The following RELN variants were observed in gnomAD, a reference collection of about 807,000 sequenced individuals.
RELN encodes reelin.
RELN carries 108 observed loss-of-function variants against 427.6 expected under a neutral mutation model. The observed-to-expected ratio is 0.25, with a 90% CI of 0.22 to 0.30. The LOEUF (loss-of-function observed/expected upper bound fraction) is 0.30. RELN is among the 10% of genes least tolerant of loss of function. RELN has a pLI of 1.00. For missense variants in RELN, 3,715 were observed against 4,302.8 expected (o/e 0.86, Z 3.82); for synonymous variants, 1,524 against 1,513.4 (o/e 1.01, Z -0.16).
chr7:103,588,174 A>T (rs1283844073), intron 28 of RELN, among the ~76,000 whole-genome samples: 1 of 152,118 alleles, frequency 6.6e-6, no homozygotes, highest in Admixed American at 6.5e-5. Context: ...TACACAATGA[A>T]ATACTATTTG....
chr7:103,679,714 G>C (rs1255418346), intron 11 of RELN, among the ~76,000 whole-genome samples: 1 of 151,680 alleles, frequency 6.6e-6, no homozygotes, highest in Non-Finnish European at 1.5e-5. Flanking sequence ...TTTTGTTTGG[G>C]GGAAATGATC....
intron 3 of RELN, among the ~76,000 whole-genome samples, chr7:103,808,102 A>G (rs1792644954): frequency 6.6e-6 from 1 of 152,154 alleles, no homozygotes; most frequent in African/African-American, 2.4e-5. Flanking sequence ...AGTCTGTTTA[A>G]AAGATTCTGG....
intron 31 of RELN, among the ~76,000 whole-genome samples, chr7:103,568,396 A>C (rs904161352): frequency 1.3e-5 from 2 of 152,238 alleles, no homozygotes; most frequent in African/African-American, 2.4e-5. Flanking sequence ...AGAACTAATC[A>C]GACTGAATGA....
chr7:103,568,945 T>C (rs917100418), intron 31 of RELN, among the ~76,000 whole-genome samples: 1 of 152,144 alleles, frequency 6.6e-6, no homozygotes, highest in Non-Finnish European at 1.5e-5. Context: ...TTATAACCTG[T>C]GATGGTTTAA....
At position 103,975,518 on chromosome 7, in the gene RELN, TTTATTTA is replaced by T. The variant is rs1563120290; in HGVS notation, c.226+13606_226+13612del. Among the ~76,000 whole-genome samples, 505 of 143,268 alleles carry T rather than the reference TTTATTTA, an allele frequency of 3.5e-3. 5 individuals are homozygous for T. The highest frequency in any genetic ancestry group is 0.011 in the African/African-American group (418 of 37,726). The allele number at this position is 143,268 out of a possible 152,430, so 94.0% of individuals were successfully genotyped here. On this transcript the variant is annotated intron_variant, in intron 1 of 64. Coordinates refer to ENST00000428762, the MANE Select transcript of RELN (RefSeq NM_005045.4). Reference sequence around the variant, plus strand: ...GGGTCCTGGGAAGAATGGAGCAGTATTTATTTATTTATTTATTTATTTATTTATTTAT... The same window carrying T: ...GGGTCCTGGGAAGAATGGAGCAGTATTTTATTTATTTATTTATTTATTTAT...
At chr7:103,572,055 A>C (rs1830893633) in intron 31 of RELN, 129 bp downstream of exon 31, 1 of 702,596 alleles carries the variant, frequency 1.4e-6, no homozygotes, top group East Asian at 2.7e-5. Flanking sequence ...GATTCTACAA[A>C]GCAGAAGAGA....
At chr7:103,984,805 C>A (rs1276148575) in intron 1 of RELN, among the ~76,000 whole-genome samples, 1 of 152,120 alleles carries the variant, frequency 6.6e-6, no homozygotes, top group Non-Finnish European at 1.5e-5. Flanking sequence ...GGATAAATAA[C>A]CGATCACCTG....
chr7:103,986,629 TAA>T (rs34403864), intron 1 of RELN, among the ~76,000 whole-genome samples: 7,735 of 102,218 alleles, frequency 0.076, 290 homozygotes, highest in East Asian at 0.17. Flanking sequence ...TTCTTTTAGG[TAA>T]AAAAAAAAAA....
chr7:103,669,457 C>T (rs1265448307), intron 11 of RELN, among the ~76,000 whole-genome samples: 1 of 152,156 alleles, frequency 6.6e-6, no homozygotes, highest in Non-Finnish European at 1.5e-5. Context: ...AAGGAGATCC[C>T]AGAGCTCTAT....
intron 28 of RELN, among the ~76,000 whole-genome samples, chr7:103,577,284 T>G (rs1328205540): frequency 6.6e-6 from 1 of 152,190 alleles, no homozygotes; most frequent in Non-Finnish European, 1.5e-5. Flanking sequence ...TTGGCAGCAA[T>G]GAACCATAAC....
intron 4 of RELN, among the ~76,000 whole-genome samples, chr7:103,761,961 G>A (rs983347750): frequency 6.6e-6 from 1 of 152,194 alleles, no homozygotes; most frequent in Non-Finnish European, 1.5e-5. Flanking sequence ...GAAGAAGGAA[G>A]AGGAAGAAGT....
In RELN at chr7:103,565,455, T is replaced by G; in HGVS notation, c.5033A>C (p.Asn1678Thr). 2 of 1,613,810 alleles carry G rather than the reference T, an allele frequency of 1.2e-6. No individual in the cohort carries two copies. The highest frequency in any genetic ancestry group is 1.7e-6 in the Non-Finnish European group (2 of 1,179,916). Residue 1678 changes from asparagine (N) to threonine (T), a missense_variant, in exon 34 of 65, where the codon AAC (asparagine) becomes ACC (threonine). By Grantham distance (65) the Asn-to-Thr change is moderately conservative. Transcript: ENST00000428762. ...MSMGCSKPFS[N>T]SHSVQLQYSL... ...ATACTGGAGCTGTACACTGTGGGAG[T>G]TGCTGAAGGGCTTGCTACAGCCCAT...
chr7:103,970,211 C>T (rs1031334018), intron 1 of RELN, among the ~76,000 whole-genome samples: 2 of 149,360 alleles, frequency 1.3e-5, no homozygotes, highest in East Asian at 2.0e-4. Context: ...GGTGTGATCT[C>T]GGCTCATGGC....
At chr7:103,485,806 A>T (rs1418677839) in intron 61 of RELN, among the ~76,000 whole-genome samples, 1 of 152,212 alleles carries the variant, frequency 6.6e-6, no homozygotes, top group African/African-American at 2.4e-5. Flanking sequence ...ACATAAGCTA[A>T]ATATAGGCAT....
chr7:103,642,528 AACCATGTGC>A (rs1333887356), intron 16 of RELN, among the ~76,000 whole-genome samples: 2 of 152,098 alleles, frequency 1.3e-5, no homozygotes, highest in Admixed American at 1.3e-4. Flanking sequence ...ATACCTTGCT[AACCATGTGC>A]ATTCCATATA....
chr7:103,833,043 G>A (rs1793312946), intron 3 of RELN, among the ~76,000 whole-genome samples: 1 of 151,932 alleles, frequency 6.6e-6, no homozygotes, highest in Admixed American at 6.6e-5. Flanking sequence ...TTTCATATAT[G>A]TTTACATTTG....
intron 36 of RELN, among the ~76,000 whole-genome samples, chr7:103,561,063 CAA>C (rs1384414640): frequency 6.6e-6 from 1 of 151,626 alleles, no homozygotes; most frequent in Non-Finnish European, 1.5e-5. Flanking sequence ...GGTTGAAATA[CAA>C]AAAGATATTA....
At chr7:103,781,557 T>C (rs994946486) in intron 3 of RELN, among the ~76,000 whole-genome samples, 2 of 152,168 alleles carry the variant, frequency 1.3e-5, no homozygotes, top group Admixed American at 6.5e-5. Context: ...TTTAGCATTT[T>C]CAAGAGTACA....
At chr7:103,960,064 G>A (rs965271188) in intron 1 of RELN, among the ~76,000 whole-genome samples, 3 of 152,178 alleles carry the variant, frequency 2.0e-5, no homozygotes, top group Admixed American at 2.0e-4. Flanking sequence ...TTCTCTGGCA[G>A]TTCATTCTCA....
Sources: gnomAD v4.1 joint callset for allele counts (sites outside exome capture counted in the v4.1 genomes callset) on GRCh38, gnomAD v4.1.1 for gene constraint, MANE v1.5 for transcripts, NCBI Gene and HGNC (gene_info 2026-07-23, HGNC 2026-07-21) for gene names.